The following SGCD variants were observed in gnomAD, a reference collection of about 807,000 sequenced individuals.
SGCD encodes delta-sarcoglycan.
SGCD carries 18 observed loss-of-function variants against 36.6 expected under a neutral mutation model. The observed-to-expected ratio is 0.49, with a 90% CI of 0.34 to 0.73. The LOEUF is 0.73. SGCD is among the 30% of genes least tolerant of loss of function. The pLI is 0.01. For synonymous variants in SGCD, 133 were observed against 130.6 expected (o/e 1.02, Z -0.12); for missense variants, 387 against 346.7 (o/e 1.12, Z -0.92).
chr5:156,421,626 C>T (rs936259551), intron 3 of SGCD, among the ~76,000 whole-genome samples: 2 of 151,882 alleles, frequency 1.3e-5, no homozygotes, highest in Non-Finnish European at 2.9e-5. Flanking sequence ...TGGGTGACCC[C>T]GTGAGCAGAT....
intron 3 of SGCD, among the ~76,000 whole-genome samples, chr5:156,246,313 A>C (rs1765436588): frequency 6.6e-6 from 1 of 152,214 alleles, no homozygotes; most frequent in Admixed American, 6.5e-5. Context: ...GCACATTTTC[A>C]TCTTTGCCAC....
At chr5:156,201,069 AGATGATTGCT>A (rs1281807275) in intron 3 of SGCD, among the ~76,000 whole-genome samples, 1 of 152,192 alleles carries the variant, frequency 6.6e-6, no homozygotes. Flanking sequence ...GAAAGTAGAA[AGATGATTGCT>A]GAGGGCTGAG....
intron 7 of SGCD, among the ~76,000 whole-genome samples, chr5:156,683,151 T>C (rs543517863): frequency 6.6e-6 from 1 of 152,350 alleles, no homozygotes; most frequent in African/African-American, 2.4e-5. Flanking sequence ...GATGTTTAGT[T>C]CCATCAAATG....
chr5:156,366,319 AGGT>A (rs1168081013), intron 3 of SGCD, among the ~76,000 whole-genome samples: 7 of 152,212 alleles, frequency 4.6e-5, no homozygotes, highest in African/African-American at 1.4e-4. Context: ...AATTGAGGTC[AGGT>A]GGTGGTGGAA....
At chr5:156,669,113 C>T (rs1163292352) in intron 7 of SGCD, among the ~76,000 whole-genome samples, 1 of 152,078 alleles carries the variant, frequency 6.6e-6, no homozygotes, top group Non-Finnish European at 1.5e-5. Flanking sequence ...AGACATCCTG[C>T]AATACGGCCG....
Position 156,764,090 on chromosome 5 carries a change from A to G in SGCD, c.*4700A>G, listed in dbSNP as rs1216242651. 6.6e-6 allele frequency: 1 copy of G among 152,212 alleles called. No homozygotes were observed. The highest frequency in any genetic ancestry group is 1.5e-5 in the Non-Finnish European group (1 of 68,022). The allele number at this position is 152,212 out of a possible 1,614,324, so 9.4% of individuals were successfully genotyped here. The stretch of plus-strand genomic sequence containing the variant: ...TCTTAGGCATGAAAAGGATAAGGAA[A>G]CAGCTCCTGGAATGATACATTTGCA... On this transcript the variant is annotated 3_prime_UTR_variant, in exon 9 of 9. Transcript: ENST00000337851.
rs527889371 is a variant in SGCD at position 156,082,109 on chromosome 5, TTTAA to T, written c.-281-35763_-281-35760del. Among the ~76,000 whole-genome samples the T allele has an allele frequency of 8.3e-4, 127 of 152,238 alleles. 1 individual carries two copies. The highest frequency in any genetic ancestry group is 2.7e-3 in the African/African-American group (112 of 41,528). ...TCAGCCTTAATTTTTTCAATCTGAG[TTTAA>T]TTAATGAAAAATCAGAAAAGGGACC... On this transcript the variant is annotated intron_variant, in intron 1 of 9. Transcript: ENST00000517913.
chr5:155,789,385 A>G, the SGCD span, among the ~76,000 whole-genome samples: 1 of 152,160 alleles, frequency 6.6e-6, no homozygotes, highest in African/African-American at 2.4e-5. Context: ...TCCAGATAGC[A>G]TAAAATTTAG....
At chr5:156,196,711 A>C (rs1400024452) in intron 3 of SGCD, among the ~76,000 whole-genome samples, 1 of 152,210 alleles carries the variant, frequency 6.6e-6, no homozygotes, top group Non-Finnish European at 1.5e-5. Flanking sequence ...AGAAAAGAGC[A>C]AACATAAATA....
chr5:156,685,490 A>T (rs948090498), intron 7 of SGCD, among the ~76,000 whole-genome samples: 1 of 152,084 alleles, frequency 6.6e-6, no homozygotes, highest in Non-Finnish European at 1.5e-5. Context: ...AGCAAGCTGC[A>T]GAGTGCCATA....
intron 3 of SGCD, among the ~76,000 whole-genome samples, chr5:156,169,057 C>G (rs138775740): frequency 2.2e-4 from 33 of 152,306 alleles, no homozygotes; most frequent in African/African-American, 7.9e-4. Flanking sequence ...ACCTCCCAAG[C>G]ATAACAACAA....
At chr5:156,492,456 A>G (rs1156736318) in intron 3 of SGCD, among the ~76,000 whole-genome samples, 1 of 152,156 alleles carries the variant, frequency 6.6e-6, no homozygotes, top group African/African-American at 2.4e-5. Flanking sequence ...TTTCGATTCC[A>G]GTCTCAAGGC....
the SGCD span, among the ~76,000 whole-genome samples, chr5:155,785,547 A>G: frequency 1.3e-5 from 2 of 152,180 alleles, no homozygotes; most frequent in Non-Finnish European, 2.9e-5. Context: ...CCCACTGGCC[A>G]TACTCTCCCT....
chr5:156,394,148 A>C (rs954099030), intron 3 of SGCD, among the ~76,000 whole-genome samples: 1 of 152,206 alleles, frequency 6.6e-6, no homozygotes, highest in Admixed American at 6.5e-5. Flanking sequence ...TAACCTTGGC[A>C]AGTTATGATT....
At chr5:156,522,988 T>C (rs1050924404) in intron 4 of SGCD, among the ~76,000 whole-genome samples, 4 of 152,290 alleles carry the variant, frequency 2.6e-5, no homozygotes, top group African/African-American at 9.6e-5. Context: ...AAGAGGGAGA[T>C]TTGTAAAAAT....
At chr5:156,374,554 AATTG>A (rs1400115135) in intron 3 of SGCD, among the ~76,000 whole-genome samples, 11 of 152,312 alleles carry the variant, frequency 7.2e-5, no homozygotes, top group East Asian at 1.9e-4. Context: ...GAAGAAAAAA[AATTG>A]ATTGATTTTT....
At chr5:156,568,228 A>G (rs1386108823) in intron 4 of SGCD, among the ~76,000 whole-genome samples, 1 of 152,184 alleles carries the variant, frequency 6.6e-6, no homozygotes, top group Non-Finnish European at 1.5e-5. Context: ...TACTAAAAAT[A>G]CAGAAATTAG....
At chr5:156,619,038 T>TC (rs144172105) in intron 6 of SGCD, among the ~76,000 whole-genome samples, 7,480 of 148,392 alleles carry the variant, frequency 0.05, 635 homozygotes, top group African/African-American at 0.17. Context: ...TTTTTTTTTT[T>TC]CTTCTGAGAC....
At chr5:155,775,485 T>G in the SGCD span, among the ~76,000 whole-genome samples, 2 of 152,154 alleles carry the variant, frequency 1.3e-5, no homozygotes, top group Non-Finnish European at 2.9e-5. Context: ...TCAAACATAC[T>G]CTGACTCCTG....
Sources: gnomAD v4.1 joint callset for allele counts (sites outside exome capture counted in the v4.1 genomes callset) on GRCh38, gnomAD v4.1.1 for gene constraint, MANE v1.5 for transcripts, NCBI Gene and HGNC (gene_info 2026-07-23, HGNC 2026-07-21) for gene names.